YAP1: variants seen among roughly 807,000 people sequenced by gnomAD.
The protein encoded by YAP1 is transcriptional coactivator YAP1.
A neutral mutation model predicts 56.9 loss-of-function variants in YAP1; 5 were observed. The ratio of observed to expected loss-of-function variants is 0.09; its 90% CI spans 0.05 to 0.18. The LOEUF is 0.18. Ranked by LOEUF, YAP1 falls within the 10% of genes least tolerant of loss-of-function variation. The pLI is 1.00. For synonymous variants in YAP1, 265 were observed against 248.1 expected (o/e 1.07, Z -0.64); for missense variants, 539 against 651.8 (o/e 0.83, Z 1.88).
At chr11:102,123,173 A>G (rs1289137494) in intron 2 of YAP1, among the ~76,000 whole-genome samples, 1 of 152,146 alleles carries the variant, frequency 6.6e-6, no homozygotes, top group Non-Finnish European at 1.5e-5. Flanking sequence ...TGTTGTGCCT[A>G]CAGCAGAGTC....
At chr11:102,177,385 T>C (rs1258406192) in intron 3 of YAP1, among the ~76,000 whole-genome samples, 1 of 152,094 alleles carries the variant, frequency 6.6e-6, no homozygotes, top group Non-Finnish European at 1.5e-5. Flanking sequence ...AAGTTTAATG[T>C]TGGAGTTGAA....
chr11:102,123,964 T>C (rs1053339147), intron 2 of YAP1, among the ~76,000 whole-genome samples: 2 of 151,010 alleles, frequency 1.3e-5, no homozygotes, highest in African/African-American at 4.9e-5. Flanking sequence ...GTTTTTTTGT[T>C]TTTTTGAGAT....
At chr11:102,158,230 A>G (rs1382249598) in intron 2 of YAP1, among the ~76,000 whole-genome samples, 1 of 152,250 alleles carries the variant, frequency 6.6e-6, no homozygotes. Context: ...TTTAAGTTTA[A>G]AAACAGTTTC....
intron 3 of YAP1, among the ~76,000 whole-genome samples, chr11:102,175,324 TG>T (rs1565230734): frequency 6.6e-6 from 1 of 151,910 alleles, no homozygotes; most frequent in Non-Finnish European, 1.5e-5. Flanking sequence ...TGCTTGAACC[TG>T]GGAGGTGGAG....
chr11:102,186,434 T>G (rs1009664129), intron 4 of YAP1: 1 of 169,798 alleles, frequency 5.9e-6, no homozygotes, highest in South Asian at 1.0e-4. Context: ...TTTTAAAATG[T>G]TTTTTTTTTT....
At chr11:102,173,750 A>G (rs963409727) in intron 3 of YAP1, among the ~76,000 whole-genome samples, 2 of 152,236 alleles carry the variant, frequency 1.3e-5, no homozygotes, top group Admixed American at 6.5e-5. Flanking sequence ...TAAACCCTTT[A>G]TAGTCTCTAA....
intron 2 of YAP1, among the ~76,000 whole-genome samples, chr11:102,120,422 A>G (rs1446845719): frequency 6.6e-6 from 1 of 152,254 alleles, no homozygotes; most frequent in East Asian, 1.9e-4. Context: ...ATGATGTTGC[A>G]AATTAATAAA....
At chr11:102,228,978 C>A (rs947206920) in intron 8 of YAP1, among the ~76,000 whole-genome samples, 2 of 152,194 alleles carry the variant, frequency 1.3e-5, no homozygotes, top group African/African-American at 4.8e-5. Flanking sequence ...ACTTCAAACC[C>A]ATTTCACACA....
chr11:102,148,784 G>T (rs1451074524), intron 2 of YAP1, among the ~76,000 whole-genome samples: 3 of 152,046 alleles, frequency 2.0e-5, no homozygotes, highest in Middle Eastern at 3.2e-3. Flanking sequence ...TATTGCACAT[G>T]TAGAGATTTA....
chr11:102,139,589 G>T (rs1431391202), intron 2 of YAP1, among the ~76,000 whole-genome samples: 1 of 152,164 alleles, frequency 6.6e-6, no homozygotes, highest in African/African-American at 2.4e-5. Context: ...GTTTTTGGGT[G>T]TTCGGGAGAT....
rs1227142423 is a variant in YAP1 at position 102,223,617 on chromosome 11, A to T, written c.1033-5A>T. The T allele has an allele frequency of 1.2e-6, 2 of 1,610,138 alleles. No homozygotes were observed. Among genetic ancestry groups the T allele is most frequent in the East Asian group, 2.2e-5 (1 of 44,842 alleles). ...TTGATTCTCTTTGGCTTTATTTTTAATTAGGAGTTAGCCCTGCGTAGCCAG... is the reference window on the plus strand; with the variant it reads ...TTGATTCTCTTTGGCTTTATTTTTATTTAGGAGTTAGCCCTGCGTAGCCAG... On this transcript the variant is annotated splice_region_variant and splice_polypyrimidine_tract_variant and intron_variant, in intron 6 of 8. Transcript: ENST00000282441.
chr11:102,201,093 A>G (rs1362374649), intron 4 of YAP1, among the ~76,000 whole-genome samples: 1 of 152,228 alleles, frequency 6.6e-6, no homozygotes, highest in Non-Finnish European at 1.5e-5. Flanking sequence ...CCAAAGATAT[A>G]GTAGCAGAAA....
At chr11:102,217,260 T>C (rs1295573544) in intron 6 of YAP1, among the ~76,000 whole-genome samples, 2 of 152,184 alleles carry the variant, frequency 1.3e-5, no homozygotes. Flanking sequence ...TGGCCTTACA[T>C]AAAATGATGC....
chr11:102,187,494 T>A (rs1942687), intron 4 of YAP1, among the ~76,000 whole-genome samples: 141,918 of 152,282 alleles, frequency 0.93, 66,938 homozygotes, highest in East Asian at 1. Context: ...GGCCAATTGT[T>A]TGGACTGGAA....
intron 6 of YAP1, among the ~76,000 whole-genome samples, chr11:102,218,125 C>A (rs182078892): frequency 6.6e-6 from 1 of 152,300 alleles, no homozygotes; most frequent in East Asian, 1.9e-4. Flanking sequence ...TCAAAATTTA[C>A]TTGGAATATC....
intron 6 of YAP1, among the ~76,000 whole-genome samples, chr11:102,216,064 A>G (rs1949646657): frequency 6.6e-6 from 1 of 152,208 alleles, no homozygotes. Flanking sequence ...TGAAATGGAA[A>G]TTTCGGAAAG....
intron 3 of YAP1, among the ~76,000 whole-genome samples, chr11:102,164,560 A>G (rs966686011): frequency 3.9e-5 from 6 of 152,184 alleles, no homozygotes; most frequent in African/African-American, 1.4e-4. Flanking sequence ...TGGAAGAGTA[A>G]GTATTTCGCG....
intron 2 of YAP1, among the ~76,000 whole-genome samples, chr11:102,139,632 A>G (rs1276509371): frequency 6.6e-6 from 1 of 152,192 alleles, no homozygotes; most frequent in African/African-American, 2.4e-5. Flanking sequence ...TGATTCCCCC[A>G]TCCCCTACTC....
chr11:102,151,014 T>A (rs1945622168), intron 2 of YAP1, among the ~76,000 whole-genome samples: 1 of 151,900 alleles, frequency 6.6e-6, no homozygotes, highest in Non-Finnish European at 1.5e-5. Context: ...TTGGCCAGGC[T>A]GGTCTCAAAT....
Sources: allele counts gnomAD v4.1 joint callset (sites outside exome capture counted in the v4.1 genomes callset), GRCh38; gene constraint gnomAD v4.1.1; transcripts MANE v1.5; gene names NCBI Gene and HGNC (gene_info 2026-07-23, HGNC 2026-07-21).